Variants in VSNL1 observed in about 807,000 individuals in gnomAD.
VSNL1 encodes the protein visinin like 1.
VSNL1 carries 6 observed loss-of-function variants against 20.4 expected under a neutral mutation model. The ratio of observed to expected loss-of-function variants is 0.29; its 90% CI spans 0.16 to 0.58. The LOEUF (loss-of-function observed/expected upper bound fraction) is 0.58, where lower values mean the gene tolerates loss of function less well. Ranked by LOEUF, VSNL1 falls within the 20% of genes least tolerant of loss-of-function variation. The pLI is 0.90. For synonymous variants in VSNL1, 93 were observed against 86.4 expected (o/e 1.08, Z -0.42); for missense variants, 100 against 234.5 (o/e 0.43, Z 3.75).
At chr2:17,559,833 A>G (rs1214763717) in intron 1 of VSNL1, among the ~76,000 whole-genome samples, 1 of 152,102 alleles carries the variant, frequency 6.6e-6, no homozygotes, top group African/African-American at 2.4e-5. Flanking sequence ...GAAAAACACT[A>G]TAATAAAAAA....
intron 2 of VSNL1, among the ~76,000 whole-genome samples, chr2:17,597,062 C>G (rs58453750): frequency 0.084 from 12,766 of 152,232 alleles, 564 homozygotes; most frequent in East Asian, 0.13. Context: ...GTGAGAGACT[C>G]TATGAAATTT....
At chr2:17,640,820 C>T (rs1412729011) in intron 2 of VSNL1, among the ~76,000 whole-genome samples, 1 of 152,136 alleles carries the variant, frequency 6.6e-6, no homozygotes, top group East Asian at 1.9e-4. Flanking sequence ...CTCATTTATC[C>T]CTGTGTTGGG....
chr2:17,625,221 C>G (rs1411700853), intron 2 of VSNL1, among the ~76,000 whole-genome samples: 2 of 152,214 alleles, frequency 1.3e-5, no homozygotes, highest in East Asian at 3.9e-4. Flanking sequence ...ACGTGGAACT[C>G]TAACTCCAAT....
At chr2:17,641,978 C>G (rs943645916) in intron 2 of VSNL1, among the ~76,000 whole-genome samples, 12 of 152,316 alleles carry the variant, frequency 7.9e-5, no homozygotes, top group African/African-American at 2.9e-4. Flanking sequence ...AAAAATTTTA[C>G]TTCCAGAATC....
At chr2:17,640,482 T>C (rs914530543) in intron 2 of VSNL1, among the ~76,000 whole-genome samples, 1 of 152,150 alleles carries the variant, frequency 6.6e-6, no homozygotes, top group Non-Finnish European at 1.5e-5. Flanking sequence ...TCTTATCCTA[T>C]AACTGTGGTG....
At chr2:17,595,006 T>C (rs1248360970) in intron 2 of VSNL1, among the ~76,000 whole-genome samples, 2 of 152,168 alleles carry the variant, frequency 1.3e-5, no homozygotes, top group Non-Finnish European at 2.9e-5. Flanking sequence ...CTGCAGCACA[T>C]AGCTCTGCCT....
At chr2:17,605,710 A>C (rs987274935) in intron 2 of VSNL1, among the ~76,000 whole-genome samples, 3 of 152,198 alleles carry the variant, frequency 2.0e-5, no homozygotes, top group Admixed American at 6.5e-5. Flanking sequence ...GAAATATTGG[A>C]GTGTAGGTGG....
chr2:17,576,683 C>T (rs765802431), intron 1 of VSNL1, among the ~76,000 whole-genome samples: 1 of 152,028 alleles, frequency 6.6e-6, no homozygotes, highest in Non-Finnish European at 1.5e-5. Flanking sequence ...TTTACTTTTT[C>T]TGTTTTTTTA....
At position 17,649,082 on chromosome 2, in the gene VSNL1, A is replaced by C. The variant is rs1666064569; in HGVS notation, c.163-328A>C. On this transcript the variant is annotated intron_variant, in intron 2 of 3. Transcript: ENST00000295156. The surrounding 1 kb of genome is among the most constrained non-coding windows in gnomAD (Gnocchi z 6.4). The stretch of plus-strand genomic sequence containing the variant: ...GGGGAGAGAAACTGCTGTCTGCCTC[A>C]GTCCTGTTCCTGGGGGGAGTGAGCT... Among the ~76,000 whole-genome samples the C allele has an allele frequency of 2.0e-5, 3 of 152,168 alleles. No homozygotes were observed. Among genetic ancestry groups the C allele is most frequent in the Admixed American group, 1.3e-4 (2 of 15,282 alleles).
intron 1 of VSNL1, among the ~76,000 whole-genome samples, chr2:17,572,732 A>G (rs1267360405): frequency 6.6e-6 from 1 of 152,202 alleles, no homozygotes; most frequent in Admixed American, 6.5e-5. Context: ...TGCCCACCTC[A>G]GGCTTTCCAG....
At chr2:17,641,517 T>G (rs1665882271) in intron 2 of VSNL1, among the ~76,000 whole-genome samples, 1 of 152,212 alleles carries the variant, frequency 6.6e-6, no homozygotes, top group Non-Finnish European at 1.5e-5. Context: ...GTTCAATATT[T>G]ACCAGGAAGA....
intron 2 of VSNL1, among the ~76,000 whole-genome samples, chr2:17,599,509 A>T (rs1237574330): frequency 6.6e-6 from 1 of 152,244 alleles, no homozygotes; most frequent in Non-Finnish European, 1.5e-5. Context: ...AGCCTTGCTG[A>T]GATCAACAAC....
rs571454013 is a variant in VSNL1 at position 17,553,481 on chromosome 2, AC to A, written c.-6+12564del. On this transcript the variant is annotated intron_variant, in intron 1 of 3. Transcript: ENST00000295156. ...TACAGAGGTAACATAGTTTTAAAAA[AC>A]AAATAAGGGCAATTAATTTGATTCA... Among the ~76,000 whole-genome samples, 150 of 152,346 alleles carry A rather than the reference AC, an allele frequency of 9.8e-4. 4 individuals are homozygous for A. The East Asian group carries it at 0.026, about 27-fold the overall frequency.
At position 17,649,664 on chromosome 2, in the gene VSNL1, A is replaced by G; in HGVS notation, c.378+39A>G. The G allele has an allele frequency of 6.2e-7, 1 of 1,603,862 alleles. No individual in the cohort carries two copies. The highest frequency in any genetic ancestry group is 8.5e-7 in the Non-Finnish European group (1 of 1,172,180). ...TGTGGTTGGCGGGTGGTGGGCACAG[A>G]AGGAGACCCCACGGCAGCCTCCTAG... On this transcript the variant is annotated intron_variant, in intron 3 of 3. Transcript: ENST00000295156. This position sits in a 1 kb window ranked among gnomAD's most constrained non-coding sequence, Gnocchi z 6.4.
chr2:17,641,173 G>A (rs1403385018), intron 2 of VSNL1, among the ~76,000 whole-genome samples: 1 of 152,194 alleles, frequency 6.6e-6, no homozygotes, highest in African/African-American at 2.4e-5. Context: ...AATCGATCTT[G>A]GATAGACCAC....
chr2:17,577,247 A>G (rs1444879291), intron 1 of VSNL1, among the ~76,000 whole-genome samples: 1 of 152,232 alleles, frequency 6.6e-6, no homozygotes, highest in African/African-American at 2.4e-5. Context: ...ATACATAGCT[A>G]TTAACCTTTT....
At position 17,566,434 on chromosome 2, in the gene VSNL1, T is replaced by C. The variant is rs374511256; in HGVS notation, c.-6+25516T>C. On this transcript the variant is annotated intron_variant, in intron 1 of 3. Coordinates refer to ENST00000295156, the MANE Select transcript of VSNL1 (RefSeq NM_003385.5). ...ATTTGGTATCATAATATTAAATTTT[T>C]AAATCAAACTGATTATATAAAATGG... is the stretch of plus-strand genomic sequence containing the variant. Among the ~76,000 whole-genome samples, 4 of 152,206 alleles carry C rather than the reference T, an allele frequency of 2.6e-5. No homozygotes were observed. In the South Asian group the frequency reaches 8.3e-4, roughly 31 times the overall value.
chr2:17,547,890 C>A (rs966849313), intron 1 of VSNL1, among the ~76,000 whole-genome samples: 6 of 152,118 alleles, frequency 3.9e-5, no homozygotes, highest in African/African-American at 1.4e-4. Context: ...TCTCCCCCAA[C>A]CTGCACTCAC....
At chr2:17,599,847 T>C (rs1664787396) in intron 2 of VSNL1, among the ~76,000 whole-genome samples, 1 of 152,214 alleles carries the variant, frequency 6.6e-6, no homozygotes, top group Non-Finnish European at 1.5e-5. Flanking sequence ...CACCTTTTCA[T>C]GCTTCCTGTG....
Sources: gnomAD v4.1 joint callset for allele counts (sites outside exome capture counted in the v4.1 genomes callset) on GRCh38, gnomAD v4.1.1 for gene constraint, Gnocchi (gnomAD v3.1) non-coding constraint, MANE v1.5 for transcripts, NCBI Gene and HGNC (gene_info 2026-07-23, HGNC 2026-07-21) for gene names.